ELOVL2: variants seen among roughly 807,000 people sequenced by gnomAD.
ELOVL2 encodes the protein very long chain fatty acid elongase 2.
In ELOVL2, 38 loss-of-function variants were observed where a neutral mutation model predicts 37.7. The ratio of observed to expected loss-of-function variants is 1.01; its 90% CI spans 0.78 to 1.32. The LOEUF is 1.32. Among genes scored for constraint, ELOVL2 ranks in the 40% most tolerant of loss-of-function variants. The probability of loss-of-function intolerance (pLI) is 0.00; values close to 1 mark genes in which losing one functional copy is unlikely to be tolerated. For missense variants in ELOVL2, 352 were observed against 363.6 expected, an observed-to-expected ratio of 0.97 and a Z score of 0.26; for synonymous variants, 115 against 122.3, an observed-to-expected ratio of 0.94 and a Z score of 0.40.
At chr6:10,984,000 T>G in intron 7 of ELOVL2, 94 bp from the exon 8 acceptor site, 1 of 1,180,386 alleles carries the variant, frequency 8.5e-7, no homozygotes, top group Non-Finnish European at 1.2e-6. Context: ...AGTATGTGAT[T>G]TTGTTGGGCG....
chr6:11,043,201 T>A (rs1783129683), intron 1 of ELOVL2, among the ~76,000 whole-genome samples: 1 of 152,074 alleles, frequency 6.6e-6, no homozygotes, highest in South Asian at 2.1e-4. Context: ...TGCGCTTATT[T>A]TAACAAGTCC....
chr6:11,029,171 G>A (rs545778387), intron 1 of ELOVL2, among the ~76,000 whole-genome samples: 81 of 142,756 alleles, frequency 5.7e-4, no homozygotes, highest in African/African-American at 2.0e-3. Flanking sequence ...GAAGCTGTAG[G>A]GAGACAAGAT....
At chr6:10,992,215 G>A (rs991783279) in intron 5 of ELOVL2, among the ~76,000 whole-genome samples, 5 of 152,110 alleles carry the variant, frequency 3.3e-5, no homozygotes, top group African/African-American at 1.2e-4. Flanking sequence ...TCACTCTAGT[G>A]TTCATTTGTA....
chr6:11,006,069 C>T (rs1376965866), intron 2 of ELOVL2, among the ~76,000 whole-genome samples: 1 of 152,160 alleles, frequency 6.6e-6, no homozygotes, highest in Non-Finnish European at 1.5e-5. Flanking sequence ...GAAGGCATAT[C>T]GATACTGTAT....
At chr6:11,035,563 T>C (rs945937077) in intron 1 of ELOVL2, among the ~76,000 whole-genome samples, 1 of 152,222 alleles carries the variant, frequency 6.6e-6, no homozygotes, top group Non-Finnish European at 1.5e-5. Flanking sequence ...CCCAGTGATG[T>C]TGGCTCTTTA....
intron 1 of ELOVL2, among the ~76,000 whole-genome samples, chr6:11,032,342 C>A (rs201401822): frequency 1.1e-3 from 135 of 119,040 alleles, no homozygotes; most frequent in Non-Finnish European, 1.5e-3. Flanking sequence ...GTTTCCTATA[C>A]AAAAAAAAAA....
Position 10,989,767 on chromosome 6 carries a change from C to A in ELOVL2, c.701G>T (p.Cys234Phe). ...CATATAAGATGACTGGAAGATGAGACAACCGAAGGGGAAGCCACACGGTTT... is the reference window on the plus strand; with the variant it reads ...CATATAAGATGACTGGAAGATGAGAAAACCGAAGGGGAAGCCACACGGTTT... ...VVKPCGFPFGCLIFQSSYMLT... is the reference protein window; with the variant it reads ...VVKPCGFPFGFLIFQSSYMLT... Residue 234 changes from cysteine to phenylalanine, a missense_variant, in exon 7 of 8, where the codon TGT (cysteine) becomes TTT (phenylalanine). Coordinates refer to ENST00000354666, the MANE Select transcript of ELOVL2 (RefSeq NM_017770.4). 6.2e-7 allele frequency: 1 copy of A among 1,614,120 alleles called. No homozygotes were observed. Among genetic ancestry groups the A allele is most frequent in the Non-Finnish European group, 8.5e-7 (1 of 1,179,984 alleles).
At chr6:11,041,827 A>G (rs1783102202) in intron 1 of ELOVL2, among the ~76,000 whole-genome samples, 1 of 152,240 alleles carries the variant, frequency 6.6e-6, no homozygotes, top group Admixed American at 6.5e-5. Context: ...CACATTATAG[A>G]AAAACAAAAG....
chr6:10,998,068 A>G (rs2113493967), intron 4 of ELOVL2, among the ~76,000 whole-genome samples: 1 of 152,194 alleles, frequency 6.6e-6, no homozygotes, highest in South Asian at 2.1e-4. Context: ...AATTGTTTGA[A>G]AGAGTCTGGG....
intron 1 of ELOVL2, 99 bp from the exon 2 acceptor site, chr6:11,010,908 C>G: frequency 2.3e-6 from 2 of 872,654 alleles, no homozygotes; most frequent in Admixed American, 4.6e-5. Flanking sequence ...GACAGACTTT[C>G]AAAGGGTCCC....
intron 3 of ELOVL2, among the ~76,000 whole-genome samples, chr6:11,004,989 T>C (rs1782453889): frequency 6.6e-6 from 1 of 152,142 alleles, no homozygotes; most frequent in South Asian, 2.1e-4. Context: ...TGAAACCCTG[T>C]CTGTACTAAA....
At position 11,044,219 on chromosome 6, in the gene ELOVL2, C is replaced by G; in HGVS notation, c.3+9G>C. On this transcript the variant is annotated intron_variant, in intron 1 of 7. Coordinates refer to ENST00000354666, the MANE Select transcript of ELOVL2 (RefSeq NM_017770.4). The surrounding 1 kb of genome is among the most constrained non-coding windows in gnomAD (Gnocchi z 5.6). ...GGCGGTGTCGGTGGCGGCGCGCGGCCCCACTCACCATGATCCGCAGCGGCT... is the reference window on the plus strand; with the variant it reads ...GGCGGTGTCGGTGGCGGCGCGCGGCGCCACTCACCATGATCCGCAGCGGCT... 1 of 1,432,404 alleles carries G rather than the reference C, an allele frequency of 7.0e-7. No individual in the cohort carries two copies. The allele number at this position is 1,432,404 out of a possible 1,614,324, so 88.7% of individuals were successfully genotyped here.
At chr6:11,032,701 G>A (rs536620254) in intron 1 of ELOVL2, among the ~76,000 whole-genome samples, 1 of 152,296 alleles carries the variant, frequency 6.6e-6, no homozygotes, top group South Asian at 2.1e-4. Context: ...AGCATCTACT[G>A]TCTGCAGGTA....
At chr6:11,027,927 C>A (rs1006247603) in intron 1 of ELOVL2, among the ~76,000 whole-genome samples, 2 of 152,226 alleles carry the variant, frequency 1.3e-5, no homozygotes, top group African/African-American at 4.8e-5. Context: ...GTCAACATTT[C>A]TCTTTCAATA....
chr6:11,026,954 T>C (rs1399904957), intron 1 of ELOVL2, among the ~76,000 whole-genome samples: 4 of 152,238 alleles, frequency 2.6e-5, no homozygotes, highest in Non-Finnish European at 5.9e-5. Context: ...GAAATCAAGC[T>C]AATTAACACA....
chr6:11,006,402 A>C (rs550569627), intron 2 of ELOVL2, among the ~76,000 whole-genome samples: 6 of 152,348 alleles, frequency 3.9e-5, no homozygotes, highest in Non-Finnish European at 2.9e-5. Context: ...ATCATTGTAG[A>C]CACTAAATGA....
chr6:10,990,063 G>A (rs1379911496), intron 6 of ELOVL2, among the ~76,000 whole-genome samples: 1 of 152,114 alleles, frequency 6.6e-6, no homozygotes, highest in African/African-American at 2.4e-5. Flanking sequence ...AAATTATTTA[G>A]ACAAAAAGGA....
In ELOVL2 at chr6:10,995,193, A is replaced by G; in HGVS notation, c.334-15T>C. 6.4e-7 allele frequency: 1 copy of G among 1,564,760 alleles called. No individual in the cohort carries two copies. Among genetic ancestry groups the G allele is most frequent in the Non-Finnish European group, 8.7e-7 (1 of 1,148,444 alleles). ...ACCTTGGCTACCTATAGAAATTTGT[A>G]AAGGGGAGAAAAGGGTGAGAAATGG... is the stretch of plus-strand genomic sequence containing the variant. On this transcript the variant is annotated splice_polypyrimidine_tract_variant and intron_variant, in intron 4 of 7. Transcript: ENST00000354666.
intron 7 of ELOVL2, among the ~76,000 whole-genome samples, chr6:10,984,228 G>A (rs1041942218): frequency 6.6e-6 from 1 of 152,110 alleles, no homozygotes; most frequent in African/African-American, 2.4e-5. Context: ...ATGTTGCCCA[G>A]GCTTGTCTTG....
Sources: gnomAD v4.1 joint callset for allele counts (sites outside exome capture counted in the v4.1 genomes callset) on GRCh38, gnomAD v4.1.1 for gene constraint, Gnocchi (gnomAD v3.1) non-coding constraint, MANE v1.5 for transcripts, NCBI Gene and HGNC (gene_info 2026-07-23, HGNC 2026-07-21) for gene names.